Variants in FAM81A observed in about 807,000 individuals in gnomAD.
FAM81A encodes family with sequence similarity 81 member A, also known as protein FAM81A.
In FAM81A, 19 loss-of-function variants were observed where a neutral mutation model predicts 46.7. The observed-to-expected ratio is 0.41, with a 90% CI of 0.28 to 0.60. The LOEUF (loss-of-function observed/expected upper bound fraction) is 0.60. FAM81A is among the 20% of genes least tolerant of loss of function. The pLI is 0.34. For synonymous variants in FAM81A, 183 were observed against 152.9 expected (o/e 1.20, Z -1.45); for missense variants, 377 against 453.5 (o/e 0.83, Z 1.53).
At chr15:59,441,278 A>G (rs1243760632) in intron 1 of FAM81A, among the ~76,000 whole-genome samples, 3 of 152,162 alleles carry the variant, frequency 2.0e-5, no homozygotes, top group Non-Finnish European at 4.4e-5. Context: ...TTCCCATAAG[A>G]AACTCTGGTG....
Position 59,460,570 on chromosome 15 carries a change from ACT to A in FAM81A, c.294+367_294+368del, listed in dbSNP as rs2081540102. 1 of 361,382 alleles carries A rather than the reference ACT, an allele frequency of 2.8e-6. No homozygotes were observed. The highest frequency in any genetic ancestry group is 2.1e-5 in the African/African-American group (1 of 47,312). The allele number at this position is 361,382 out of a possible 1,614,324, so 22.4% of individuals were successfully genotyped here. ...CTATTAAGTCAATTACTAAGGTCAG[ACT>A]CTGTTGCTTCAGATTAAATGTTTCT... On this transcript the variant is annotated intron_variant, in intron 3 of 8. Coordinates refer to ENST00000288228, the MANE Select transcript of FAM81A (RefSeq NM_152450.3). The surrounding 1 kb of genome is among the most constrained non-coding windows in gnomAD (Gnocchi z 4.4).
At chr15:59,452,056 T>G (rs1237435276) in intron 1 of FAM81A, among the ~76,000 whole-genome samples, 1 of 152,154 alleles carries the variant, frequency 6.6e-6, no homozygotes, top group East Asian at 1.9e-4. Context: ...TTGCCGAATT[T>G]CAGTAATGAG....
At chr15:59,483,505 A>G (rs1254397474) in intron 3 of FAM81A, among the ~76,000 whole-genome samples, 1 of 152,216 alleles carries the variant, frequency 6.6e-6, no homozygotes, top group African/African-American at 2.4e-5. Context: ...AGAAAAGAAA[A>G]TAGAGTTAAG....
chr15:59,423,193 G>A (rs1310750285), intron 2 of FAM81A, among the ~76,000 whole-genome samples: 2 of 152,162 alleles, frequency 1.3e-5, no homozygotes, highest in African/African-American at 4.8e-5. Context: ...CGCCTCCCAA[G>A]TTCACGCCAT....
intron 2 of FAM81A, among the ~76,000 whole-genome samples, chr15:59,403,004 G>C (rs2081078698): frequency 6.6e-6 from 1 of 151,932 alleles, no homozygotes; most frequent in South Asian, 2.1e-4. Context: ...TTTTCTAGTG[G>C]GTTATTGCCG....
intron 2 of FAM81A, among the ~76,000 whole-genome samples, chr15:59,459,419 C>G (rs2081523147): frequency 6.6e-6 from 1 of 152,190 alleles, no homozygotes; most frequent in Middle Eastern, 3.2e-3. Context: ...CCTGAAATCC[C>G]TGATGGTCAC....
At chr15:59,399,807 A>C (rs2081062388) in intron 1 of FAM81A, among the ~76,000 whole-genome samples, 1 of 152,118 alleles carries the variant, frequency 6.6e-6, no homozygotes, top group African/African-American at 2.4e-5. Flanking sequence ...CTCTAAGTTT[A>C]GTGTGAGTGG....
intron 4 of FAM81A, among the ~76,000 whole-genome samples, chr15:59,495,705 C>G (rs1191970234): frequency 3.3e-5 from 5 of 152,204 alleles, no homozygotes; most frequent in Non-Finnish European, 7.3e-5. Flanking sequence ...TCGATTATAG[C>G]CATCCCAGTG....
chr15:59,410,126 C>A (rs2081113931), intron 2 of FAM81A, among the ~76,000 whole-genome samples: 1 of 151,922 alleles, frequency 6.6e-6, no homozygotes, highest in African/African-American at 2.4e-5. Flanking sequence ...TGGTGAAATC[C>A]CGTCTCTACT....
At chr15:59,498,991 T>C (rs1286041976) in intron 4 of FAM81A, among the ~76,000 whole-genome samples, 1 of 152,200 alleles carries the variant, frequency 6.6e-6, no homozygotes, top group African/African-American at 2.4e-5. Context: ...TTTTTGTATA[T>C]GCTCTTTATT....
intron 3 of FAM81A, among the ~76,000 whole-genome samples, chr15:59,485,842 C>T (rs750286190): frequency 1.3e-5 from 2 of 152,010 alleles, no homozygotes; most frequent in African/African-American, 4.8e-5. Flanking sequence ...AAGATAACAC[C>T]GAGAAGGAAT....
chr15:59,514,478 A>G (rs2082246575), intron 7 of FAM81A, 54 bp downstream of exon 7: 3 of 1,564,838 alleles, frequency 1.9e-6, no homozygotes, highest in Admixed American at 2.0e-5. Flanking sequence ...GGGGGCCTAC[A>G]CTGTTTGAAT....
chr15:59,475,750 GA>G (rs1481437556), intron 3 of FAM81A, among the ~76,000 whole-genome samples: 2 of 152,160 alleles, frequency 1.3e-5, no homozygotes, highest in African/African-American at 4.8e-5. Flanking sequence ...TAACAACAAG[GA>G]AGTTTAAAAA....
intron 1 of FAM81A, among the ~76,000 whole-genome samples, chr15:59,453,580 T>A (rs2081445224): frequency 6.6e-6 from 1 of 152,066 alleles, no homozygotes; most frequent in Non-Finnish European, 1.5e-5. Context: ...CCATGTTTTC[T>A]ATGAGAGAAA....
intron 2 of FAM81A, among the ~76,000 whole-genome samples, chr15:59,417,857 G>A (rs146246605): frequency 0.018 from 2,755 of 151,892 alleles, 33 homozygotes; most frequent in Non-Finnish European, 0.027. Flanking sequence ...GTGCCCTGTT[G>A]GTGTGCTGCA....
intron 6 of FAM81A, among the ~76,000 whole-genome samples, chr15:59,512,642 C>T (rs147575196): frequency 2.0e-5 from 3 of 152,060 alleles, no homozygotes; most frequent in East Asian, 3.9e-4. Context: ...GGCAGTGTTC[C>T]ATGTCTTACC....
rs187118230 is a variant in FAM81A at position 59,470,217 on chromosome 15, G to A, written c.294+10011G>A. 2.6e-5 allele frequency among the ~76,000 whole-genome samples: 4 copies of A among 152,216 alleles called. No individual in the cohort carries two copies. In the East Asian group the frequency reaches 7.7e-4, roughly 29 times the overall value. ...TGCTCTTCTCTAGGAGTATCTTTGT[G>A]GTGTTCTCTGTATTTCCTGAATTTG... On this transcript the variant is annotated intron_variant, in intron 3 of 8. Coordinates refer to ENST00000288228, the MANE Select transcript of FAM81A (RefSeq NM_152450.3).
intron 3 of FAM81A, among the ~76,000 whole-genome samples, chr15:59,486,627 T>G (rs1249612688): frequency 6.6e-6 from 1 of 151,832 alleles, no homozygotes; most frequent in Non-Finnish European, 1.5e-5. Flanking sequence ...CTCCCAGAGG[T>G]CAAGGATAAA....
chr15:59,434,375 C>T (rs1200304872), upstream of FAM81A, among the ~76,000 whole-genome samples: 1 of 152,028 alleles, frequency 6.6e-6, no homozygotes, highest in Non-Finnish European at 1.5e-5. Flanking sequence ...TTTACACTGC[C>T]GAACTTCTCT....
Sources: gnomAD v4.1 joint callset for allele counts (sites outside exome capture counted in the v4.1 genomes callset) on GRCh38, gnomAD v4.1.1 for gene constraint, Gnocchi (gnomAD v3.1) non-coding constraint, MANE v1.5 for transcripts, NCBI Gene and HGNC (gene_info 2026-07-23, HGNC 2026-07-21) for gene names.